The following EFTUD2 variants were observed in gnomAD, a reference collection of about 807,000 sequenced individuals.
EFTUD2 encodes elongation factor Tu GTP binding domain containing 2.
Under a neutral mutation model 114.3 loss-of-function variants are expected in EFTUD2, and 9 were observed. The observed-to-expected ratio is 0.08, with a 90% confidence interval of 0.05 to 0.14. The LOEUF (loss-of-function observed/expected upper bound fraction) is 0.14, where lower values mean the gene tolerates loss of function less well. Ranked by LOEUF, EFTUD2 falls within the 10% of genes least tolerant of loss-of-function variation. The probability of loss-of-function intolerance (pLI) is 1.00; values close to 1 mark genes in which losing one functional copy is unlikely to be tolerated. For synonymous variants in EFTUD2, 449 were observed against 462.3 expected (o/e 0.97, Z 0.37); for missense variants, 765 against 1,241.2 (o/e 0.62, Z 5.76).
chr17:44,854,964 G>C lies in EFTUD2; in HGVS notation c.2086C>G (p.Leu696Val), dbSNP rs2050521560. Residue 696 changes from leucine to valine, a missense_variant, in exon 21 of 28, where the codon CTG becomes GTG. Physicochemically the swap from Leu to Val is conservative, Grantham distance 32 (BLOSUM62 1). Transcript: ENST00000426333. This position sits in a 1 kb window ranked among gnomAD's most constrained non-coding sequence, Gnocchi z 4.3. ...ACCTCATTCTCTATGTCCTCTGCCAGGCCCTTCTCAAGAGGCTCAGCAATC... is the reference window on the plus strand; with the variant it reads ...ACCTCATTCTCTATGTCCTCTGCCACGCCCTTCTCAAGAGGCTCAGCAATC... ...TMIAEPLEKG[L>V]AEDIENEVVQ... is the part of the protein sequence containing the mutation. 2 of 1,614,210 alleles carry C rather than the reference G, an allele frequency of 1.2e-6. No individual in the cohort carries two copies. The highest frequency in any genetic ancestry group is 1.7e-6 in the Non-Finnish European group (2 of 1,180,038).
rs868377610 is a variant in EFTUD2 at position 44,886,472 on chromosome 17, G to A, written c.271+113C>T. 4.7e-5 allele frequency: 71 copies of A among 1,512,180 alleles called. No homozygotes were observed. In the Middle Eastern group the frequency reaches 2.5e-3, roughly 54 times the overall value. The allele number at this position is 1,512,180 out of a possible 1,614,324, so 93.7% of individuals were successfully genotyped here. A position where few individuals can be genotyped will look rare whatever the true frequency, so the allele number is the denominator to read the frequency against. ...TCTTAAACCAGAAACAGTACCTGAAGGTAGTAAAGAAAAACTGATCAATTC... is the reference window on the plus strand; with the variant it reads ...TCTTAAACCAGAAACAGTACCTGAAAGTAGTAAAGAAAAACTGATCAATTC... On this transcript the variant is annotated intron_variant, in intron 3 of 27. Coordinates refer to ENST00000426333, the MANE Select transcript of EFTUD2 (RefSeq NM_004247.4).
rs578017536 is a variant in EFTUD2 at position 44,885,762 on chromosome 17, G to A, written c.272-428C>T. The stretch of plus-strand genomic sequence containing the variant: ...TCCTCCTGCCTCAGTCTCCCGAGTT[G>A]CCAGGAGGCATCTACCACCATGCCC... On this transcript the variant is annotated intron_variant, in intron 3 of 27. Transcript: ENST00000426333. Among the ~76,000 whole-genome samples, 10 of 152,114 alleles carry A rather than the reference G, an allele frequency of 6.6e-5. No individual in the cohort carries two copies. In the East Asian group the frequency reaches 2.0e-3, roughly 30 times the overall value.
At chr17:44,852,949 C>T (rs548922663) in intron 25 of EFTUD2, among the ~76,000 whole-genome samples, 3 of 151,980 alleles carry the variant, frequency 2.0e-5, no homozygotes, top group Middle Eastern at 3.4e-3. Context: ...GGCGCCATCT[C>T]GGCTCACTGC....
In EFTUD2 at chr17:44,859,900, C is replaced by A. The variant is rs1366175946; in HGVS notation, c.1860+5G>T. ...CTTGGCGGCTGCTGCAGGCCATGGG[C>A]ATACCTTGGTGGTGAGGGATGGATA... On this transcript the variant is annotated splice_donor_5th_base_variant and intron_variant, in intron 18 of 27. Transcript: ENST00000426333. 1 of 1,614,102 alleles carries A rather than the reference C, an allele frequency of 6.2e-7. No individual in the cohort carries two copies. Among genetic ancestry groups the A allele is most frequent in the Non-Finnish European group, 8.5e-7 (1 of 1,180,032 alleles).
rs1373165753 is a variant in EFTUD2 at position 44,879,602 on chromosome 17, A to G, written c.656T>C (p.Leu219Ser). 2 of 1,614,084 alleles carry G rather than the reference A, an allele frequency of 1.2e-6. No homozygotes were observed. Among genetic ancestry groups the G allele is most frequent in the Non-Finnish European group, 8.5e-7 (1 of 1,179,986 alleles). Residue 219 changes from leucine to serine, a missense_variant, in exon 9 of 28, where the codon TTG (leucine) becomes TCG (serine). This residue lies in a region of EFTUD2 where 251 missense variants were observed against 357.7 expected (regional missense o/e 0.70). Transcript: ENST00000426333. Reference sequence around the variant, plus strand: ...AAGGACCACTCCATCTGAGATGCGCAAGCCAGCTGTGACCTCATCAGAGAA... The same window carrying G: ...AAGGACCACTCCATCTGAGATGCGCGAGCCAGCTGTGACCTCATCAGAGAA... ...VNFSDEVTAG[L>S]RISDGVVLFI...
At chr17:44,855,429 C>T (rs558934995) in intron 20 of EFTUD2, among the ~76,000 whole-genome samples, 3 of 152,130 alleles carry the variant, frequency 2.0e-5, no homozygotes, top group East Asian at 3.9e-4. Flanking sequence ...GGCGTGGTGG[C>T]GTGCGCTGGC....
Position 44,867,004 on chromosome 17 carries a change from G to A in EFTUD2, c.1149+803C>T, listed in dbSNP as rs547372991. ...CACCTGCAGTCCCAGCTTCTCAGGA[G>A]GCTGAGGTGGGAGGATTGCTCAAAC... On this transcript the variant is annotated intron_variant, in intron 13 of 27. Coordinates refer to ENST00000426333, the MANE Select transcript of EFTUD2 (RefSeq NM_004247.4). Among the ~76,000 whole-genome samples, 8 of 152,262 alleles carry A rather than the reference G, an allele frequency of 5.3e-5. No individual in the cohort carries two copies. The East Asian group carries it at 5.8e-4, about 11-fold the overall frequency.
At chr17:44,870,276 G>A (rs938794942) in intron 11 of EFTUD2, among the ~76,000 whole-genome samples, 1 of 152,136 alleles carries the variant, frequency 6.6e-6, no homozygotes, top group Non-Finnish European at 1.5e-5. Context: ...ATTACAAAAG[G>A]GTTTTGGATT....
chr17:44,853,486 C>T, intron 24 of EFTUD2, 31 bp downstream of exon 24: 1 of 1,612,270 alleles, frequency 6.2e-7, no homozygotes, highest in Non-Finnish European at 8.5e-7. Context: ...TCCAGTGAAG[C>T]AGATGGTCCC....
intron 1 of EFTUD2, among the ~76,000 whole-genome samples, chr17:44,897,077 G>A (rs1472693430): frequency 6.6e-6 from 1 of 152,028 alleles, no homozygotes; most frequent in Non-Finnish European, 1.5e-5. Context: ...TTAGCCAAGT[G>A]TGGTGGTGGG....
chr17:44,863,101 TTCTCC>T (rs1368174094), intron 15 of EFTUD2, 195 bp from the exon 16 acceptor site: 8 of 427,474 alleles, frequency 1.9e-5, no homozygotes, highest in African/African-American at 1.1e-4. Context: ...AGCAAAAATA[TTCTCC>T]TCTTTTTTTT....
In EFTUD2 at chr17:44,853,472, CCT is replaced by C. The variant is rs539733551; in HGVS notation, c.2466+43_2466+44del. On this transcript the variant is annotated intron_variant, in intron 24 of 27. Coordinates refer to ENST00000426333, the MANE Select transcript of EFTUD2 (RefSeq NM_004247.4). ...TCCCACTTGCTCCTTCACTTAGTCC[CCT>C]GTCCAGTGAAGCAGATGGTCCCCTA... The C allele has an allele frequency of 1.1e-3, 1,788 of 1,610,648 alleles. 1 individual carries two copies. Among genetic ancestry groups the C allele is most frequent in the Middle Eastern group, 2.3e-3 (14 of 6,054 alleles).
Position 44,885,303 on chromosome 17 carries a change from T to A in EFTUD2, c.303A>T (p.Lys101Asn). 1 of 1,614,042 alleles carries A rather than the reference T, an allele frequency of 6.2e-7. No individual in the cohort carries two copies. Residue 101 changes from lysine (K) to asparagine (N), a missense_variant, in exon 4 of 28, where the codon AAA (lysine) becomes AAT (asparagine). Physicochemically the swap from Lys to Asn is moderately conservative, Grantham distance 94. Coordinates refer to ENST00000426333, the MANE Select transcript of EFTUD2 (RefSeq NM_004247.4). ...EPIIKPVKTK[K>N]FTLMEQTLPV... is the part of the protein sequence containing the mutation. ...GTAATGTCTGCTCCATCAGAGTGAA[T>A]TTCTTGGTTTTCACTGGCTTAATAA...
intron 2 of EFTUD2, chr17:44,892,156 T>C (rs959056567): frequency 2.6e-5 from 4 of 152,316 alleles, no homozygotes; most frequent in African/African-American, 9.6e-5. Context: ...ATGTGCAAAT[T>C]AGATAAACCT....
At chr17:44,886,884 G>A (rs868161701) in intron 2 of EFTUD2, 134 bp from the exon 3 acceptor site, 3 of 1,413,848 alleles carry the variant, frequency 2.1e-6, no homozygotes, top group South Asian at 1.4e-5. Context: ...GCCAGTGGGG[G>A]AGGTTCCACT....
chr17:44,868,588 C>T (rs944237272), intron 11 of EFTUD2: 12 of 496,846 alleles, frequency 2.4e-5, no homozygotes, highest in African/African-American at 2.2e-4. Flanking sequence ...CTCTCCATCT[C>T]CACCAAGCAC....
intron 16 of EFTUD2, 105 bp from the exon 17 acceptor site, chr17:44,860,648 G>T: frequency 1.4e-6 from 1 of 704,242 alleles, no homozygotes; most frequent in South Asian, 1.8e-5. Flanking sequence ...TACCAGGCTG[G>T]AGTGCAGTGG....
chr17:44,860,293 TC>T, intron 17 of EFTUD2, 138 bp downstream of exon 17: 1 of 753,390 alleles, frequency 1.3e-6, no homozygotes, highest in Non-Finnish European at 2.3e-6. Flanking sequence ...ACAGGGAGAA[TC>T]CAGCAGGGTC....
At chr17:44,897,921 G>C (rs1224273404) in intron 1 of EFTUD2, among the ~76,000 whole-genome samples, 2 of 152,140 alleles carry the variant, frequency 1.3e-5, no homozygotes, top group African/African-American at 4.8e-5. Context: ...ACAGCCAATA[G>C]CCAAGACAGC....
Sources: gnomAD v4.1 joint callset for allele counts (sites outside exome capture counted in the v4.1 genomes callset) on GRCh38, gnomAD v4.1.1 for gene constraint, gnomAD v4.1.1 regional missense constraint, Gnocchi (gnomAD v3.1) non-coding constraint, MANE v1.5 for transcripts, NCBI Gene and HGNC (gene_info 2026-07-23, HGNC 2026-07-21) for gene names.